Variants in DTYMK observed in about 807,000 individuals in gnomAD.
DTYMK encodes the protein thymidylate kinase.
DTYMK carries 20 observed loss-of-function variants against 20.3 expected under a neutral mutation model. The ratio of observed to expected loss-of-function variants is 0.99; its 90% CI spans 0.69 to 1.43. DTYMK has a LOEUF of 1.43. Among genes scored for constraint, DTYMK ranks in the 40% most tolerant of loss-of-function variants. The probability of loss-of-function intolerance (pLI) is 0.00; values close to 1 mark genes in which losing one functional copy is unlikely to be tolerated. For missense variants in DTYMK, 320 were observed against 291.1 expected, an observed-to-expected ratio of 1.10 and a Z score of -0.72; for synonymous variants, 148 against 124.4, an observed-to-expected ratio of 1.19 and a Z score of -1.27.
intron 4 of DTYMK, 30 bp from the exon 5 acceptor site, chr2:241,676,267 G>A (rs1286378887): frequency 4.4e-6 from 7 of 1,593,340 alleles, no homozygotes; most frequent in African/African-American, 1.3e-5. Context: ...AGGAGAAAAA[G>A]AGGCTCATCA....
chr2:241,679,050 G>C (rs2069182400), intron 3 of DTYMK, among the ~76,000 whole-genome samples: 1 of 152,172 alleles, frequency 6.6e-6, no homozygotes, highest in African/African-American at 2.4e-5. Context: ...CGAGGTCCTT[G>C]GCAGTGTCTT....
At chr2:241,683,086 A>C (rs971093463) in intron 2 of DTYMK, among the ~76,000 whole-genome samples, 2 of 151,896 alleles carry the variant, frequency 1.3e-5, no homozygotes, top group African/African-American at 4.8e-5. Flanking sequence ...ACCCTGTCCC[A>C]AAAAAAAGAG....
chr2:241,685,767 A>C lies in DTYMK; in HGVS notation c.239+2T>G. Reference sequence around the variant, plus strand: ...GAGGGAGCAGTGTGCAATGGTTTTTACACTTGTTCCCAGCGATTTGCAGAA... The same window carrying C: ...GAGGGAGCAGTGTGCAATGGTTTTTCCACTTGTTCCCAGCGATTTGCAGAA... On this transcript the variant is annotated splice_donor_variant, in intron 2 of 4. Coordinates refer to ENST00000305784, the MANE Select transcript of DTYMK (RefSeq NM_012145.4). LOFTEE classifies it high-confidence loss of function. The C allele has an allele frequency of 1.2e-6, 2 of 1,613,836 alleles. No homozygotes were observed. Among genetic ancestry groups the C allele is most frequent in the East Asian group, 4.5e-5 (2 of 44,884 alleles).
chr2:241,683,712 G>C (rs2069315618), intron 2 of DTYMK, among the ~76,000 whole-genome samples: 1 of 152,138 alleles, frequency 6.6e-6, no homozygotes, highest in Non-Finnish European at 1.5e-5. Context: ...CCTTTAGTAG[G>C]TAATGAACTA....
At chr2:241,686,156 G>C (rs2069393339) in intron 1 of DTYMK, among the ~76,000 whole-genome samples, 1 of 152,216 alleles carries the variant, frequency 6.6e-6, no homozygotes, top group Non-Finnish European at 1.5e-5. Context: ...TTTGTGGACT[G>C]GGTGGCCAAA....
rs2069105683 is a variant in DTYMK, at chr2:241,676,049, C to G, written c.*78G>C. ...CTGAAGTTGTGGGGTCTGGACTCTG[C>G]TGGGGACGGGGCCTTCCGCGAGTCT... On this transcript the variant is annotated 3_prime_UTR_variant, in exon 5 of 5. Coordinates refer to ENST00000305784, the MANE Select transcript of DTYMK (RefSeq NM_012145.4). The G allele has an allele frequency of 7.2e-7, 1 of 1,379,654 alleles. No individual in the cohort carries two copies. Among genetic ancestry groups the G allele is most frequent in the Non-Finnish European group, 9.8e-7 (1 of 1,020,734 alleles). 85.5% of individuals were successfully genotyped at this position (1,379,654 alleles called of 1,614,324 possible).
chr2:241,676,399 GTC>G (rs2069117459), intron 4 of DTYMK, among the ~76,000 whole-genome samples, 162 bp from the exon 5 acceptor site: 1 of 152,090 alleles, frequency 6.6e-6, no homozygotes, highest in South Asian at 2.1e-4. Flanking sequence ...GGGACACCCC[GTC>G]TCTACAAAAA....
intron 2 of DTYMK, among the ~76,000 whole-genome samples, chr2:241,681,677 T>A (rs958656831): frequency 6.6e-6 from 1 of 152,156 alleles, no homozygotes; most frequent in Non-Finnish European, 1.5e-5. Context: ...GCACAGCCCA[T>A]GAGAGAATTG....
intron 2 of DTYMK, among the ~76,000 whole-genome samples, chr2:241,684,170 CAA>C (rs1372562497): frequency 6.6e-6 from 1 of 152,070 alleles, no homozygotes; most frequent in Non-Finnish European, 1.5e-5. Context: ...TAGATGGACA[CAA>C]GAGACGTAGC....
At chr2:241,685,678 A>C (rs1423376550) in intron 2 of DTYMK, 91 bp downstream of exon 2, 2 of 1,339,548 alleles carry the variant, frequency 1.5e-6, no homozygotes, top group African/African-American at 2.9e-5. Context: ...CACTACTGTC[A>C]CTGTCATTCA....
At chr2:241,684,911 A>C (rs564281272) in intron 2 of DTYMK, among the ~76,000 whole-genome samples, 22 of 152,242 alleles carry the variant, frequency 1.4e-4, no homozygotes, top group African/African-American at 5.1e-4. Context: ...AGCGCTCTAC[A>C]TACTCTACTT....
intron 4 of DTYMK, among the ~76,000 whole-genome samples, chr2:241,677,490 TGGA>T (rs894783000): frequency 6.6e-6 from 1 of 152,242 alleles, no homozygotes; most frequent in Non-Finnish European, 1.5e-5. Flanking sequence ...GGCCCTGCTC[TGGA>T]GGAGGAGCTC....
At position 241,678,656 on chromosome 2, in the gene DTYMK, A is replaced by G. The variant is rs752913082; in HGVS notation, c.331-7T>C. ...ACCAATCTAGGGAAAAATTCTGCCAAGAAAGAACCCAACAGTTAAAGCTTA... is the reference window on the plus strand; with the variant it reads ...ACCAATCTAGGGAAAAATTCTGCCAGGAAAGAACCCAACAGTTAAAGCTTA... On this transcript the variant is annotated splice_polypyrimidine_tract_variant and splice_region_variant and intron_variant, in intron 3 of 4. Coordinates refer to ENST00000305784, the MANE Select transcript of DTYMK (RefSeq NM_012145.4). 1.2e-6 allele frequency: 2 copies of G among 1,613,964 alleles called. No homozygotes were observed. Among genetic ancestry groups the G allele is most frequent in the South Asian group, 1.1e-5 (1 of 91,084 alleles).
chr2:241,676,270 G>T (rs772922348), intron 4 of DTYMK, 33 bp from the exon 5 acceptor site: 2 of 1,587,242 alleles, frequency 1.3e-6, no homozygotes, highest in Admixed American at 1.7e-5. Context: ...AGAAAAAGAG[G>T]CTCATCAGCA....
intron 3 of DTYMK, among the ~76,000 whole-genome samples, chr2:241,679,227 T>G (rs890801310): frequency 1.3e-5 from 2 of 152,112 alleles, no homozygotes; most frequent in Admixed American, 1.3e-4. Flanking sequence ...TCCCTCCAAA[T>G]GCTGTCCTGT....
chr2:241,685,927 T>A, intron 1 of DTYMK, 50 bp from the exon 2 acceptor site: 1 of 1,567,680 alleles, frequency 6.4e-7, no homozygotes, highest in Non-Finnish European at 8.8e-7. Flanking sequence ...AGGCTTTCCC[T>A]CTATATTACA....
At position 241,676,192 on chromosome 2, in the gene DTYMK, G is replaced by A. The variant is rs753271712; in HGVS notation, c.574C>T (p.Arg192Cys). Residue 192 changes from arginine (R) to cysteine (C), a missense_variant, in exon 5 of 5, where the codon CGC (arginine) becomes TGC (cysteine). Transcript: ENST00000305784. ...CGGATGGCGTCCTCAGAGAGCACGCGGATGTCCTCATGGACAGCTTCGATG... is the reference window on the plus strand; with the variant it reads ...CGGATGGCGTCCTCAGAGAGCACGCAGATGTCCTCATGGACAGCTTCGATG... ...KSIEAVHEDIRVLSEDAIRTA... is the reference protein window; with the variant it reads ...KSIEAVHEDICVLSEDAIRTA... 1.8e-5 allele frequency: 29 copies of A among 1,613,114 alleles called. No homozygotes were observed. Among genetic ancestry groups the A allele is most frequent in the Middle Eastern group, 3.3e-4 (2 of 6,006 alleles).
intron 2 of DTYMK, chr2:241,685,154 G>C (rs1295575523): frequency 6.4e-6 from 1 of 156,774 alleles, no homozygotes; most frequent in African/African-American, 2.4e-5. Flanking sequence ...AGCCATGATC[G>C]GGTGCCACTG....
Position 241,676,208 on chromosome 2 carries a change from A to G in DTYMK, c.558T>C (p.Ala186=). 1 of 1,612,816 alleles carries G rather than the reference A, an allele frequency of 6.2e-7. No individual in the cohort carries two copies. Reference sequence around the variant, plus strand: ...AGAGCACGCGGATGTCCTCATGGACAGCTTCGATGCTTTTGGAAGCATCCA... The same window carrying G: ...AGAGCACGCGGATGTCCTCATGGACGGCTTCGATGCTTTTGGAAGCATCCA... ...KMVDASKSIE[A]VHEDIRVLSE... Residue 186 remains alanine (A), a synonymous_variant, in exon 5 of 5, where the codon GCT becomes GCC. Transcript: ENST00000305784.
Sources: gnomAD v4.1 joint callset for allele counts (sites outside exome capture counted in the v4.1 genomes callset) on GRCh38, gnomAD v4.1.1 for gene constraint, MANE v1.5 for transcripts, NCBI Gene and HGNC (gene_info 2026-07-23, HGNC 2026-07-21) for gene names.